ERAP1: variants seen among roughly 807,000 people sequenced by gnomAD.
ERAP1 encodes endoplasmic reticulum aminopeptidase 1.
Under a neutral mutation model 103.7 loss-of-function variants are expected in ERAP1, and 86 were observed. That is an observed-to-expected ratio of 0.83 (90% CI 0.70 to 0.99). The LOEUF is 0.99. ERAP1 is among the 50% of genes least tolerant of loss of function. ERAP1 has a pLI of 0.00. For missense variants in ERAP1, 1,009 were observed against 1,128.4 expected (o/e 0.89, Z 1.52); for synonymous variants, 398 against 402.4 (o/e 0.99, Z 0.13).
In ERAP1 at chr5:96,793,866, T is replaced by C. The variant is rs377697488; in HGVS notation, c.1011A>G (p.Glu337=). 1 of 1,614,174 alleles carries C rather than the reference T, an allele frequency of 6.2e-7. No individual in the cohort carries two copies. The highest frequency in any genetic ancestry group is 2.2e-5 in the East Asian group (1 of 44,882). Residue 337 remains glutamate (E), a synonymous_variant, in exon 6 of 19, where the codon GAA becomes GAG. Transcript: ENST00000443439. ...CAAGCTTACTTGATGCAGAAGACTTTTCTGCATCAAACAACAGAGCAGATT... is the reference window on the plus strand; with the variant it reads ...CAAGCTTACTTGATGCAGAAGACTTCTCTGCATCAAACAACAGAGCAGATT... ...YRESALLFDA[E]KSSASSKLGI...
chr5:96,901,703 G>A, the ERAP1 span: 5 of 1,610,232 alleles, frequency 3.1e-6, no homozygotes, highest in Non-Finnish European at 3.4e-6. Context: ...TCTTCTTTAG[G>A]TCTAGCTTAC....
In ERAP1 at chr5:96,781,129, A is replaced by T. The variant is rs914374073; in HGVS notation, c.2517T>A (p.Ile839=). ...GTGGGTATCCTACTGGGTTCCTGCC[A>T]ATGAGTGTAAGAATTTGTGGAAACT... The part of the protein sequence containing the change: ...TQEFPQILTL[I]GRNPVGYPLA... Residue 839 remains isoleucine (I), a synonymous_variant, in exon 17 of 19, where the codon ATT becomes ATA. Transcript: ENST00000443439. 6.2e-7 allele frequency: 1 copy of T among 1,613,650 alleles called. No homozygotes were observed. Among genetic ancestry groups the T allele is most frequent in the Admixed American group, 1.7e-5 (1 of 59,936 alleles).
At chr5:96,805,357 T>TTTA (rs1554043929) in intron 1 of ERAP1, among the ~76,000 whole-genome samples, 7 of 138,926 alleles carry the variant, frequency 5.0e-5, no homozygotes, top group South Asian at 4.5e-4. Flanking sequence ...TTTTTTTTTT[T>TTTA]AAAAAAAAAA....
the ERAP1 span, among the ~76,000 whole-genome samples, chr5:96,827,389 C>T: frequency 2.5e-4 from 38 of 152,252 alleles, no homozygotes; most frequent in South Asian, 2.3e-3. Context: ...AGGCTGGGCG[C>T]GATGGCTCAC....
At chr5:96,902,481 A>T in the ERAP1 span, 1 of 601,606 alleles carries the variant, frequency 1.7e-6, no homozygotes, top group African/African-American at 1.9e-5. Flanking sequence ...GTTGTCATTT[A>T]TCCATATGTT....
chr5:96,770,291 G>A (rs923678542), downstream of ERAP1: 49 of 476,112 alleles, frequency 1.0e-4, no homozygotes, highest in Admixed American at 1.4e-3. Flanking sequence ...CAGGCACCAC[G>A]GGAATTAGAG....
the ERAP1 span, among the ~76,000 whole-genome samples, chr5:96,868,957 T>C: frequency 6.6e-6 from 1 of 152,252 alleles, no homozygotes; most frequent in South Asian, 2.1e-4. Flanking sequence ...GTCTGGGTTG[T>C]ATACTCGTAG....
the ERAP1 span, chr5:96,934,857 G>C: frequency 2.0e-5 from 3 of 152,912 alleles, no homozygotes; most frequent in Non-Finnish European, 4.4e-5. Context: ...GCTGAGGGAG[G>C]GGAAGAGGCA....
chr5:96,785,604 A>G, intron 13 of ERAP1, 184 bp downstream of exon 13: 1 of 647,266 alleles, frequency 1.5e-6, no homozygotes, highest in Non-Finnish European at 2.8e-6. Context: ...CAAGTGCCTT[A>G]GTAGTCACAG....
At chr5:96,889,036 C>T in the ERAP1 span, 2 of 905,182 alleles carry the variant, frequency 2.2e-6, no homozygotes, top group Non-Finnish European at 1.6e-6. Flanking sequence ...CTTCACAGAA[C>T]CTCTTATCCT....
At chr5:96,880,245 T>C in the ERAP1 span, 1 of 1,609,674 alleles carries the variant, frequency 6.2e-7, no homozygotes, top group Non-Finnish European at 8.5e-7. Context: ...TACAGAACTC[T>C]TGGTGGTGAA....
At chr5:96,860,309 C>A in the ERAP1 span, among the ~76,000 whole-genome samples, 1 of 152,092 alleles carries the variant, frequency 6.6e-6, no homozygotes, top group Non-Finnish European at 1.5e-5. Flanking sequence ...CTGCCTGGGC[C>A]TCCCAAAGTG....
intron 18 of ERAP1, among the ~76,000 whole-genome samples, chr5:96,777,882 A>G (rs1172195626): frequency 6.6e-6 from 1 of 152,132 alleles, no homozygotes; most frequent in East Asian, 1.9e-4. Context: ...CAACATCTCC[A>G]CTGAATATTT....
chr5:96,771,555 C>T, downstream of ERAP1: 1 of 898,156 alleles, frequency 1.1e-6, no homozygotes, highest in South Asian at 1.7e-5. Context: ...CACTGACTGC[C>T]ATCTTTTGTC....
At chr5:96,901,682 G>A in the ERAP1 span, 2 of 1,613,242 alleles carry the variant, frequency 1.2e-6, no homozygotes, top group Non-Finnish European at 1.7e-6. Flanking sequence ...TGCAGGAGAG[G>A]TGGCTGCTTT....
In ERAP1 at chr5:96,803,622, A is replaced by AG; in HGVS notation, c.304_305insC (p.Ile102ThrfsTer3). ...TCCCTTCCTGAGGGTGGCCCTAGAT[A>AG]TCTGCAGGTGGTGACTATGCAGGAT... On this transcript the variant is annotated frameshift_variant, in exon 2 of 19. Transcript: ENST00000443439. LOFTEE classifies it high-confidence loss of function. 11 of 1,614,144 alleles carry AG rather than the reference A, an allele frequency of 6.8e-6. No individual in the cohort carries two copies. The highest frequency in any genetic ancestry group is 9.3e-6 in the Non-Finnish European group (11 of 1,180,028).
intron 9 of ERAP1, 71 bp from the exon 10 acceptor site, chr5:96,790,438 A>G (rs986317681): frequency 1.9e-6 from 3 of 1,609,440 alleles, no homozygotes; most frequent in South Asian, 2.2e-5. Flanking sequence ...AGGGATTAAC[A>G]TAATGCAGGG....
At position 96,775,367 on chromosome 5, in the gene ERAP1, A is replaced by ACTGT. The variant is rs1407423684; in HGVS notation, c.*1025_*1028dup. ...CATTTATTGGTGACTGCAATAATTT[A>ACTGT]CTGTCAGTAAATGCCAATAACTAGT... On this transcript the variant is annotated 3_prime_UTR_variant, in exon 19 of 19. Coordinates refer to ENST00000443439, the MANE Select transcript of ERAP1 (RefSeq NM_001040458.3). The ACTGT allele has an allele frequency of 2.0e-6, 2 of 984,810 alleles. No homozygotes were observed. Among genetic ancestry groups the ACTGT allele is most frequent in the African/African-American group, 1.7e-5 (1 of 57,210 alleles). 61.0% of individuals were successfully genotyped at this position (984,810 alleles called of 1,614,324 possible). A position where few individuals can be genotyped will look rare whatever the true frequency, so the allele number is the denominator to read the frequency against.
chr5:96,905,412 A>G, the ERAP1 span, among the ~76,000 whole-genome samples: 23 of 152,176 alleles, frequency 1.5e-4, no homozygotes, highest in African/African-American at 5.6e-4. Context: ...TTATGAGTCT[A>G]ATTTCTAGTT....
Sources: allele counts gnomAD v4.1 joint callset (sites outside exome capture counted in the v4.1 genomes callset), GRCh38; gene constraint gnomAD v4.1.1; transcripts MANE v1.5; gene names NCBI Gene and HGNC (gene_info 2026-07-23, HGNC 2026-07-21).